SH3RF1: variants seen among roughly 807,000 people sequenced by gnomAD.
SH3RF1 encodes SH3 domain containing ring finger 1.
Under a neutral mutation model 74.0 loss-of-function variants are expected in SH3RF1, and 32 were observed. That is an observed-to-expected ratio of 0.43 (90% confidence interval 0.33 to 0.58). SH3RF1 has a LOEUF of 0.58. SH3RF1 is among the 20% of genes least tolerant of loss of function. The pLI, the probability that SH3RF1 is intolerant of heterozygous loss-of-function variation, is 0.05. For synonymous variants in SH3RF1, 396 were observed against 439.6 expected, an observed-to-expected ratio of 0.90 and a Z score of 1.24; for missense variants, 954 against 1,130.9, an observed-to-expected ratio of 0.84 and a Z score of 2.24.
At chr4:169,266,217 C>T (rs1433680000) in intron 2 of SH3RF1, among the ~76,000 whole-genome samples, 1 of 152,220 alleles carries the variant, frequency 6.6e-6, no homozygotes, top group Non-Finnish European at 1.5e-5. Context: ...ATTCAATATA[C>T]TTTGGCTAAA....
intron 10 of SH3RF1, among the ~76,000 whole-genome samples, chr4:169,114,407 C>T (rs1733296000): frequency 6.6e-6 from 1 of 152,214 alleles, no homozygotes; most frequent in African/African-American, 2.4e-5. Context: ...AGGCTAACCA[C>T]CTTGTCAAAA....
At chr4:169,185,775 T>C (rs1003082177) in intron 2 of SH3RF1, among the ~76,000 whole-genome samples, 1 of 152,006 alleles carries the variant, frequency 6.6e-6, no homozygotes, top group Admixed American at 6.5e-5. Flanking sequence ...TTTGGGTAAA[T>C]AAAGCTTTGA....
intron 4 of SH3RF1, among the ~76,000 whole-genome samples, chr4:169,149,151 T>C (rs761326380): frequency 6.6e-6 from 1 of 152,206 alleles, no homozygotes; most frequent in Non-Finnish European, 1.5e-5. Context: ...GCTCTCTCAA[T>C]GTTTTCCTGA....
At chr4:169,123,072 C>T (rs1043908670) in intron 6 of SH3RF1, among the ~76,000 whole-genome samples, 3 of 152,170 alleles carry the variant, frequency 2.0e-5, no homozygotes, top group Admixed American at 6.5e-5. Context: ...ACCGCTACCT[C>T]GTCCTCTCCA....
chr4:169,168,206 G>T (rs1734277052), intron 2 of SH3RF1, among the ~76,000 whole-genome samples: 13 of 134,674 alleles, frequency 9.7e-5, no homozygotes, highest in Admixed American at 9.0e-4. Flanking sequence ...CAAGAGAATG[G>T]CAAAATGAGA....
intron 2 of SH3RF1, among the ~76,000 whole-genome samples, chr4:169,265,835 T>C (rs1731343838): frequency 6.6e-6 from 1 of 152,246 alleles, no homozygotes; most frequent in Admixed American, 6.5e-5. Flanking sequence ...TACATATCAT[T>C]ACTTAATGAT....
chr4:169,109,715 A>C (rs1733208492), intron 10 of SH3RF1, among the ~76,000 whole-genome samples: 1 of 152,168 alleles, frequency 6.6e-6, no homozygotes. Context: ...TGAATTAATA[A>C]AGACTACATT....
At chr4:169,201,313 C>G (rs1392974006) in intron 2 of SH3RF1, among the ~76,000 whole-genome samples, 2 of 152,056 alleles carry the variant, frequency 1.3e-5, no homozygotes, top group Non-Finnish European at 2.9e-5. Context: ...TGATGCAAAA[C>G]CAGGAAACAA....
chr4:169,101,664 A>T (rs1007531631), intron 11 of SH3RF1, among the ~76,000 whole-genome samples: 5 of 147,222 alleles, frequency 3.4e-5, no homozygotes, highest in African/African-American at 1.1e-4. Flanking sequence ...TTTTTTGTTT[A>T]AAAAAAAGGC....
chr4:169,134,613 C>T (rs1733666476), intron 5 of SH3RF1, among the ~76,000 whole-genome samples: 22 of 152,322 alleles, frequency 1.4e-4, no homozygotes, highest in Admixed American at 1.4e-3. Flanking sequence ...TCTTCACTAG[C>T]TCCCTCCTTC....
intron 2 of SH3RF1, among the ~76,000 whole-genome samples, chr4:169,234,948 CACCAG>C (rs1561060516): frequency 6.6e-6 from 1 of 152,154 alleles, no homozygotes; most frequent in Non-Finnish European, 1.5e-5. Context: ...GACAAAATGT[CACCAG>C]ACATTACCAA....
chr4:169,259,958 T>G lies in SH3RF1; in HGVS notation c.393+8862A>C, dbSNP rs146789875. Reference sequence around the variant, plus strand: ...TCATTTGCCTTTTGACCTTAAAATTTTAAAGTCTTTTTACATATTGTCTTG... The same window carrying G: ...TCATTTGCCTTTTGACCTTAAAATTGTAAAGTCTTTTTACATATTGTCTTG... On this transcript the variant is annotated intron_variant, in intron 2 of 11. Coordinates refer to ENST00000284637, the MANE Select transcript of SH3RF1 (RefSeq NM_020870.4). Among the ~76,000 whole-genome samples the G allele has an allele frequency of 2.2e-3, 331 of 152,326 alleles. 16 individuals carry two copies. The East Asian group carries it at 0.052, about 24-fold the overall frequency.
At chr4:169,234,386 T>C (rs143700651) in intron 2 of SH3RF1, among the ~76,000 whole-genome samples, 1 of 152,226 alleles carries the variant, frequency 6.6e-6, no homozygotes, top group East Asian at 1.9e-4. Context: ...TGATTTAGAA[T>C]ATGATCTCAG....
chr4:169,233,890 C>A (rs1018387677), intron 2 of SH3RF1, among the ~76,000 whole-genome samples: 8 of 152,134 alleles, frequency 5.3e-5, no homozygotes, highest in Non-Finnish European at 1.0e-4. Context: ...TCTATTTCCG[C>A]CCCTGCCTCA....
intron 2 of SH3RF1, among the ~76,000 whole-genome samples, chr4:169,263,539 C>A (rs1279826198): frequency 6.6e-6 from 1 of 152,220 alleles, no homozygotes; most frequent in East Asian, 1.9e-4. Context: ...CACACCAAAC[C>A]TGGAGCAACT....
chr4:169,231,195 G>A (rs1330887347), intron 2 of SH3RF1, among the ~76,000 whole-genome samples: 1 of 152,190 alleles, frequency 6.6e-6, no homozygotes. Context: ...CACAAATGTG[G>A]CCCATTATTA....
intron 2 of SH3RF1, among the ~76,000 whole-genome samples, chr4:169,178,347 T>C (rs1424488592): frequency 9.9e-6 from 1 of 101,206 alleles, no homozygotes; most frequent in Non-Finnish European, 2.3e-5. Flanking sequence ...TAAGCAACTA[T>C]GCTTATTTAA....
chr4:169,130,057 C>T lies in SH3RF1; in HGVS notation c.1168G>A (p.Ala390Thr). 1 of 1,613,140 alleles carries T rather than the reference C, an allele frequency of 6.2e-7. No individual in the cohort carries two copies. Among genetic ancestry groups the T allele is most frequent in the Non-Finnish European group, 8.5e-7 (1 of 1,179,594 alleles). The part of the protein sequence containing the change: ...FTFPSDVPYQ[A>T]ALGTLNPPLP... ...GAAACTATACTCACTCCAAGGGCAGCTTGGTAGGGAACATCTGATGGGAAA... is the reference window on the plus strand; with the variant it reads ...GAAACTATACTCACTCCAAGGGCAGTTTGGTAGGGAACATCTGATGGGAAA... Residue 390 changes from alanine to threonine, a missense_variant, in exon 6 of 12, where the codon GCT (alanine) becomes ACT (threonine). Transcript: ENST00000284637.
At chr4:169,247,248 TG>T (rs1321987662) in intron 2 of SH3RF1, among the ~76,000 whole-genome samples, 2 of 152,134 alleles carry the variant, frequency 1.3e-5, no homozygotes, top group African/African-American at 4.8e-5. Flanking sequence ...AAAGTGAGCT[TG>T]ATAGGTTTAG....
Sources: allele counts gnomAD v4.1 joint callset (sites outside exome capture counted in the v4.1 genomes callset), GRCh38; gene constraint gnomAD v4.1.1; transcripts MANE v1.5; gene names NCBI Gene and HGNC (gene_info 2026-07-23, HGNC 2026-07-21).